The following CACNA2D3 variants were observed in gnomAD, a reference collection of about 807,000 sequenced individuals.
CACNA2D3 encodes calcium voltage-gated channel auxiliary subunit alpha2delta 3.
A neutral mutation model predicts 160.6 loss-of-function variants in CACNA2D3; 60 were observed. The observed-to-expected ratio is 0.37, with a 90% CI of 0.30 to 0.46. The LOEUF (loss-of-function observed/expected upper bound fraction) is 0.46, where lower values mean the gene tolerates loss of function less well. Ranked by LOEUF, CACNA2D3 falls within the 20% of genes least tolerant of loss-of-function variation. The pLI is 1.00. For synonymous variants in CACNA2D3, 558 were observed against 492.9 expected, an observed-to-expected ratio of 1.13 and a Z score of -1.75; for missense variants, 1,205 against 1,365.0, an observed-to-expected ratio of 0.88 and a Z score of 1.85.
At chr3:54,808,185 C>T (rs1227842569) in intron 13 of CACNA2D3, among the ~76,000 whole-genome samples, 1 of 151,732 alleles carries the variant, frequency 6.6e-6, no homozygotes, top group East Asian at 1.9e-4. Context: ...TGCACATGTA[C>T]CCTACAATTT....
At chr3:54,895,664 G>GGT (rs1700171593) in intron 25 of CACNA2D3, among the ~76,000 whole-genome samples, 1 of 152,234 alleles carries the variant, frequency 6.6e-6, no homozygotes, top group East Asian at 1.9e-4. Context: ...TTCAACTCAT[G>GGT]GCCTTTTCCC....
At chr3:54,911,073 A>G (rs1700544383) in intron 27 of CACNA2D3, among the ~76,000 whole-genome samples, 1 of 152,158 alleles carries the variant, frequency 6.6e-6, no homozygotes, top group Admixed American at 6.5e-5. Context: ...ATTTTAAATC[A>G]AATCTTAGTC....
At chr3:54,433,260 C>G (rs916727240) in intron 4 of CACNA2D3, among the ~76,000 whole-genome samples, 1 of 151,918 alleles carries the variant, frequency 6.6e-6, no homozygotes, top group Non-Finnish European at 1.5e-5. Flanking sequence ...AGTGTAGACT[C>G]TATCAGGATG....
At chr3:54,392,257 C>T (rs1338494539) in intron 4 of CACNA2D3, among the ~76,000 whole-genome samples, 1 of 152,064 alleles carries the variant, frequency 6.6e-6, no homozygotes, top group Non-Finnish European at 1.5e-5. Flanking sequence ...ATGCGTTCCC[C>T]CTCTTACATA....
intron 2 of CACNA2D3, among the ~76,000 whole-genome samples, chr3:54,262,771 T>C (rs747176179): frequency 2.6e-5 from 4 of 152,212 alleles, no homozygotes; most frequent in Non-Finnish European, 5.9e-5. Flanking sequence ...CTCAAGTAAT[T>C]ATGGTTTCCT....
At chr3:54,335,354 G>C (rs1704350479) in intron 3 of CACNA2D3, among the ~76,000 whole-genome samples, 1 of 152,180 alleles carries the variant, frequency 6.6e-6, no homozygotes, top group Non-Finnish European at 1.5e-5. Context: ...AGCTCTGAGG[G>C]CTGCTGGTTG....
chr3:54,279,332 C>T (rs1702818570), intron 2 of CACNA2D3, among the ~76,000 whole-genome samples: 1 of 152,184 alleles, frequency 6.6e-6, no homozygotes, highest in Non-Finnish European at 1.5e-5. Context: ...CAGCAGTGAC[C>T]TTCACTGTGT....
At chr3:54,654,805 C>G (rs1298729210) in intron 11 of CACNA2D3, among the ~76,000 whole-genome samples, 1 of 152,200 alleles carries the variant, frequency 6.6e-6, no homozygotes, top group Non-Finnish European at 1.5e-5. Flanking sequence ...TTTACTGCTA[C>G]TGGAATGAGC....
At chr3:55,067,927 T>G (rs531252371) in intron 35 of CACNA2D3, among the ~76,000 whole-genome samples, 18 of 152,222 alleles carry the variant, frequency 1.2e-4, no homozygotes, top group Non-Finnish European at 2.2e-4. Flanking sequence ...TTAAAGCATA[T>G]GGCTAGAAGC....
chr3:54,568,568 A>G (rs1702445484), intron 6 of CACNA2D3, among the ~76,000 whole-genome samples: 1 of 152,262 alleles, frequency 6.6e-6, no homozygotes, highest in South Asian at 2.1e-4. Context: ...TCCTAATGGT[A>G]CCTGGCTTTA....
At chr3:54,976,230 G>A (rs528478856) in intron 29 of CACNA2D3, among the ~76,000 whole-genome samples, 7 of 150,658 alleles carry the variant, frequency 4.6e-5, no homozygotes, top group Non-Finnish European at 7.4e-5. Flanking sequence ...GGGCTTTGGA[G>A]TCCCATAGCA....
In CACNA2D3 at chr3:54,122,670, C is replaced by G. The variant is rs939435293; in HGVS notation, c.-44C>G. The G allele has an allele frequency of 1.9e-6, 2 of 1,038,402 alleles. No individual in the cohort carries two copies. Among genetic ancestry groups the G allele is most frequent in the Middle Eastern group, 4.4e-4 (1 of 2,248 alleles). The allele number at this position is 1,038,402 out of a possible 1,614,324, so 64.3% of individuals were successfully genotyped here. A position where few individuals can be genotyped will look rare whatever the true frequency, so the allele number is the denominator to read the frequency against. On this transcript the variant is annotated 5_prime_UTR_variant, in exon 1 of 38. Coordinates refer to ENST00000474759, the MANE Select transcript of CACNA2D3 (RefSeq NM_018398.3). ...CCCGCTCCGCGCAGCTCCCCGCGGC[C>G]GCTCTCGTCGCCGCCGCAGCGGGCG...
intron 4 of CACNA2D3, among the ~76,000 whole-genome samples, chr3:54,452,942 A>G (rs953009919): frequency 3.3e-5 from 5 of 151,126 alleles, no homozygotes; most frequent in East Asian, 3.9e-4. Context: ...CTGTGTTTCT[A>G]TGTCTTCTTT....
intron 27 of CACNA2D3, among the ~76,000 whole-genome samples, chr3:54,953,420 T>C (rs1371817488): frequency 6.6e-6 from 1 of 152,128 alleles, no homozygotes; most frequent in Non-Finnish European, 1.5e-5. Context: ...GAGGTGAGAC[T>C]CATGAAATTC....
At chr3:55,051,628 T>A (rs1704217853) in intron 35 of CACNA2D3, among the ~76,000 whole-genome samples, 1 of 152,144 alleles carries the variant, frequency 6.6e-6, no homozygotes, top group African/African-American at 2.4e-5. Flanking sequence ...TGTGGTGGGC[T>A]CCACCCAGTT....
intron 11 of CACNA2D3, among the ~76,000 whole-genome samples, chr3:54,683,429 G>A (rs1005109387): frequency 4.6e-5 from 7 of 152,206 alleles, no homozygotes; most frequent in African/African-American, 1.4e-4. Context: ...GCATGGATTT[G>A]GAGTTCAATG....
At position 54,133,164 on chromosome 3, in the gene CACNA2D3, GTAA is replaced by G. The variant is rs533344524; in HGVS notation, c.204+9581_204+9583del. ...TCAGCTCTACAAGGGGTTTTCGGCA[GTAA>G]TAATAATAATGATGCAGGCGTTTTT... On this transcript the variant is annotated intron_variant, in intron 2 of 37. Coordinates refer to ENST00000474759, the MANE Select transcript of CACNA2D3 (RefSeq NM_018398.3). 2.1e-4 allele frequency among the ~76,000 whole-genome samples: 32 copies of G among 152,186 alleles called. 1 individual carries two copies. Among genetic ancestry groups the G allele is most frequent in the South Asian group, 8.3e-4 (4 of 4,800 alleles).
intron 3 of CACNA2D3, among the ~76,000 whole-genome samples, chr3:54,361,353 A>T (rs1427688881): frequency 6.6e-6 from 1 of 152,148 alleles, no homozygotes; most frequent in Non-Finnish European, 1.5e-5. Context: ...GTCCCCTAAC[A>T]TTGCCAGCAT....
At chr3:54,191,398 C>CATCATCATT (rs1216242370) in intron 2 of CACNA2D3, among the ~76,000 whole-genome samples, 1 of 7,788 alleles carries the variant, frequency 1.3e-4, no homozygotes, top group Non-Finnish European at 2.4e-4. Context: ...AAAACATCAA[C>CATCATCATT]ATCATCATCA....
Sources: gnomAD v4.1 joint callset for allele counts (sites outside exome capture counted in the v4.1 genomes callset) on GRCh38, gnomAD v4.1.1 for gene constraint, MANE v1.5 for transcripts, NCBI Gene and HGNC (gene_info 2026-07-23, HGNC 2026-07-21) for gene names.